Variants in ACLY observed in about 807,000 individuals in gnomAD.
ACLY encodes the protein ATP-citrate synthase.
A neutral mutation model predicts 133.0 loss-of-function variants in ACLY; 41 were observed. The observed-to-expected ratio is 0.31, with a 90% CI of 0.24 to 0.40. The LOEUF (loss-of-function observed/expected upper bound fraction) is 0.40, where lower values mean the gene tolerates loss of function less well. Ranked by LOEUF, ACLY falls within the 10% of genes least tolerant of loss-of-function variation. The pLI is 1.00. For missense variants in ACLY, 1,046 were observed against 1,453.8 expected (o/e 0.72, Z 4.56); for synonymous variants, 495 against 549.3 (o/e 0.90, Z 1.38).
At chr17:41,917,945 A>G (rs376528153) in intron 1 of ACLY, among the ~76,000 whole-genome samples, 2 of 152,224 alleles carry the variant, frequency 1.3e-5, no homozygotes, top group African/African-American at 2.4e-5. Context: ...AAGGGTGGAG[A>G]GGAGTAGGCT....
intron 7 of ACLY, 147 bp downstream of exon 7, chr17:41,907,295 G>A: frequency 2.5e-6 from 1 of 401,950 alleles, no homozygotes. Context: ...CCACCCCATT[G>A]AGGTTTTAAG....
chr17:41,892,461 A>G lies in ACLY; in HGVS notation c.1602-14T>C, dbSNP rs1409822288. 5 of 1,610,446 alleles carry G rather than the reference A, an allele frequency of 3.1e-6. No homozygotes were observed. The highest frequency in any genetic ancestry group is 4.2e-6 in the Non-Finnish European group (5 of 1,178,102). On this transcript the variant is annotated splice_polypyrimidine_tract_variant and intron_variant, in intron 15 of 28. Coordinates refer to ENST00000352035, the MANE Select transcript of ACLY (RefSeq NM_001096.3). ...TTGTGGTCCCCACTGTGAGAAAGTA[A>G]AAGAAGAATTAGGATATCCTCAACC...
chr17:41,884,577 T>A (rs2144270096), intron 18 of ACLY, among the ~76,000 whole-genome samples: 1 of 152,270 alleles, frequency 6.6e-6, no homozygotes, highest in Admixed American at 6.5e-5. Context: ...CTGGTGCAGT[T>A]GTTTTAAAAT....
chr17:41,876,188 G>A (rs1380725200), intron 22 of ACLY, among the ~76,000 whole-genome samples: 2 of 151,086 alleles, frequency 1.3e-5, no homozygotes, highest in Non-Finnish European at 3.0e-5. Flanking sequence ...CAGCCACCCC[G>A]TCTGGGAAGT....
intron 18 of ACLY, among the ~76,000 whole-genome samples, 178 bp downstream of exon 18, chr17:41,885,934 C>T (rs543628017): frequency 4.4e-4 from 67 of 152,292 alleles, no homozygotes; most frequent in African/African-American, 1.5e-3. Flanking sequence ...CTGTGTTTTC[C>T]GATTTCATGC....
At chr17:41,882,979 T>A in intron 20 of ACLY, 143 bp downstream of exon 20, 1 of 660,478 alleles carries the variant, frequency 1.5e-6, no homozygotes, top group Non-Finnish European at 2.5e-6. Context: ...GGGCCCTGGC[T>A]GGACTTTGTA....
At chr17:41,898,811 A>G (rs1439266928) in intron 11 of ACLY, 26 bp from the exon 12 acceptor site, 1 of 1,605,102 alleles carries the variant, frequency 6.2e-7, no homozygotes, top group Non-Finnish European at 8.5e-7. Context: ...AAAAAAATCC[A>G]TAATTCAAGT....
chr17:41,909,659 C>T lies in ACLY; in HGVS notation c.387G>A (p.Gly129=), dbSNP rs2049837966. The T allele has an allele frequency of 6.2e-7, 1 of 1,614,062 alleles. No individual in the cohort carries two copies. The highest frequency in any genetic ancestry group is 1.7e-5 in the Admixed American group (1 of 60,004). The part of the protein sequence containing the change: ...FYVCIYATRE[G]DYVLFHHEGG... ...CCTCGTGGTGGAACAGGACGTAGTC[C>T]CCTTCTCGGGTGGCATAGATGCAGA... is the stretch of plus-strand genomic sequence containing the variant. The change falls in exon 5 of 29, where the codon GGG becomes GGA. Residue 129 remains glycine (G), a synonymous_variant. Transcript: ENST00000352035.
chr17:41,919,149 C>T (rs1421514772), upstream of ACLY: 14 of 1,047,844 alleles, frequency 1.3e-5, no homozygotes, highest in South Asian at 2.3e-4. Context: ...GACTTGTAGT[C>T]CCGCTGGCCC....
intron 14 of ACLY, among the ~76,000 whole-genome samples, chr17:41,893,465 G>C (rs1012736215): frequency 3.0e-4 from 45 of 152,176 alleles, no homozygotes; most frequent in African/African-American, 1.1e-3. Flanking sequence ...AAGATGCCCA[G>C]GATAATTCCT....
At chr17:41,926,114 G>A (rs1293552979) in intron 1 of ACLY, among the ~76,000 whole-genome samples, 1 of 152,072 alleles carries the variant, frequency 6.6e-6, no homozygotes, top group East Asian at 1.9e-4. Context: ...GAAAGTGCTG[G>A]GATTACAGGA....
At chr17:41,914,789 T>C (rs1344329760) in intron 1 of ACLY, among the ~76,000 whole-genome samples, 3 of 152,068 alleles carry the variant, frequency 2.0e-5, no homozygotes, top group Non-Finnish European at 2.9e-5. Context: ...ATCACATGTA[T>C]AGGAAAACTC....
In ACLY at chr17:41,918,920, G is replaced by A. The variant is rs1555634973; in HGVS notation, c.-64C>T. 7 of 1,289,076 alleles carry A rather than the reference G, an allele frequency of 5.4e-6. No individual in the cohort carries two copies. The Admixed American group carries it at 9.2e-5, about 17-fold the overall frequency. The allele number at this position is 1,289,076 out of a possible 1,614,324, so 79.9% of individuals were successfully genotyped here. ...TGCGCGGCGCTTCTTCCACAGGCCC[G>A]ACGAACCCCGCAAAATCCGGAGCAC... On this transcript the variant is annotated 5_prime_UTR_variant, in exon 1 of 29. Coordinates refer to ENST00000352035, the MANE Select transcript of ACLY (RefSeq NM_001096.3).
chr17:41,884,831 A>AAAAC (rs374544525), intron 18 of ACLY, among the ~76,000 whole-genome samples: 9 of 152,172 alleles, frequency 5.9e-5, no homozygotes, highest in South Asian at 2.1e-4. Context: ...CTCAAAAACA[A>AAAAC]AAACAAACAA....
At chr17:41,875,769 A>G (rs2048727921) in intron 22 of ACLY, among the ~76,000 whole-genome samples, 1 of 152,194 alleles carries the variant, frequency 6.6e-6, no homozygotes, top group African/African-American at 2.4e-5. Context: ...GCTGGAGTGC[A>G]GTGGCGTGAT....
At position 41,914,812 on chromosome 17, in the gene ACLY, G is replaced by A. The variant is rs112725579; in HGVS notation, c.-23-916C>T. Among the ~76,000 whole-genome samples the A allele has an allele frequency of 2.7e-4, 41 of 152,266 alleles. 1 individual carries two copies. Among genetic ancestry groups the A allele is most frequent in the African/African-American group, 7.0e-4 (29 of 41,536 alleles). On this transcript the variant is annotated intron_variant, in intron 1 of 28. Transcript: ENST00000352035. The stretch of plus-strand genomic sequence containing the variant: ...TATAGGAAAACTCATCTTGGAGTTC[G>A]AGGCTACAGTGAGCTATGATTGCAC...
At chr17:41,881,815 G>A (rs535741853) in intron 20 of ACLY, among the ~76,000 whole-genome samples, 55 of 152,210 alleles carry the variant, frequency 3.6e-4, no homozygotes, top group African/African-American at 1.3e-3. Context: ...AGCTCACCCT[G>A]GAGGGATGGG....
intron 20 of ACLY, among the ~76,000 whole-genome samples, chr17:41,880,534 A>G (rs1555627133): frequency 6.6e-6 from 1 of 152,146 alleles, no homozygotes; most frequent in Non-Finnish European, 1.5e-5. Flanking sequence ...CAAAACTAAA[A>G]ACAAAATTTC....
rs781938969 is a variant in ACLY, at chr17:41,893,134, A to G, written c.1500T>C (p.Ile500=). ...CGGCCCGGGTCTGCATGCCCCACAC[A>G]ATGGCCTTGGTGTGGCGGCTGAAGA... The part of the protein sequence containing the change: ...TTLFSRHTKA[I]VWGMQTRAVQ... Residue 500 remains isoleucine (I), a synonymous_variant, in exon 15 of 29, where the codon ATT becomes ATC. Transcript: ENST00000352035. 1 of 1,613,818 alleles carries G rather than the reference A, an allele frequency of 6.2e-7. No individual in the cohort carries two copies. The highest frequency in any genetic ancestry group is 8.5e-7 in the Non-Finnish European group (1 of 1,179,874).
Sources: allele counts gnomAD v4.1 joint callset (sites outside exome capture counted in the v4.1 genomes callset), GRCh38; gene constraint gnomAD v4.1.1; transcripts MANE v1.5; gene names NCBI Gene and HGNC (gene_info 2026-07-23, HGNC 2026-07-21).